The following TF variants were observed in gnomAD, a reference collection of about 807,000 sequenced individuals.
TF encodes the protein transferrin.
Under a neutral mutation model 82.4 loss-of-function variants are expected in TF, and 55 were observed. That is an observed-to-expected ratio of 0.67 (90% CI 0.54 to 0.84). TF has a LOEUF of 0.84. Among genes scored for constraint, TF ranks in the 40% least tolerant of loss-of-function variants. The probability of loss-of-function intolerance (pLI) is 0.00; values close to 1 mark genes in which losing one functional copy is unlikely to be tolerated. For synonymous variants in TF, 332 were observed against 332.6 expected (o/e 1.00, Z 0.02); for missense variants, 737 against 868.4 (o/e 0.85, Z 1.90).
At chr3:133,678,310 G>T in the TF span, among the ~76,000 whole-genome samples, 1 of 152,172 alleles carries the variant, frequency 6.6e-6, no homozygotes, top group Admixed American at 6.5e-5. Flanking sequence ...GAATAGTGCT[G>T]CAATAAATAT....
At chr3:133,757,983 T>C in intron 8 of TF, 37 bp downstream of exon 8, 2 of 1,608,512 alleles carry the variant, frequency 1.2e-6, no homozygotes, top group Non-Finnish European at 8.5e-7. Flanking sequence ...CCACAAGCAC[T>C]TGGGAAACCT....
chr3:133,663,103 A>T, the TF span, among the ~76,000 whole-genome samples: 1 of 152,122 alleles, frequency 6.6e-6, no homozygotes, highest in African/African-American at 2.4e-5. Flanking sequence ...ATCCAAGGTG[A>T]TGTCTGATCA....
Position 133,778,856 on chromosome 3 carries a change from C to A in TF, c.*236C>A. On this transcript the variant is annotated 3_prime_UTR_variant, in exon 17 of 17. Coordinates refer to ENST00000402696, the MANE Select transcript of TF (RefSeq NM_001063.4). Reference sequence around the variant, plus strand: ...TTCTTTATGCATTCTGCCTAAATACCTATGCAACTGAGCCCTTCCTTCTCA... The same window carrying A: ...TTCTTTATGCATTCTGCCTAAATACATATGCAACTGAGCCCTTCCTTCTCA... The A allele has an allele frequency of 2.3e-6, 1 of 428,864 alleles. No homozygotes were observed. The highest frequency in any genetic ancestry group is 4.3e-6 in the Non-Finnish European group (1 of 232,174). The allele number at this position is 428,864 out of a possible 1,614,324, so 26.6% of individuals were successfully genotyped here. A position where few individuals can be genotyped will look rare whatever the true frequency, so the allele number is the denominator to read the frequency against.
chr3:133,771,636 C>T (rs1934259611), intron 14 of TF, among the ~76,000 whole-genome samples: 1 of 149,196 alleles, frequency 6.7e-6, no homozygotes, highest in African/African-American at 2.5e-5. Context: ...ACTCGGGAGG[C>T]TGAGGCAGGA....
chr3:133,679,486 T>G, the TF span, among the ~76,000 whole-genome samples: 1 of 152,062 alleles, frequency 6.6e-6, no homozygotes, highest in African/African-American at 2.4e-5. Context: ...CAGTCATTCC[T>G]ACTTTCTGCC....
Position 133,746,632 on chromosome 3 carries a change from C to A in TF, c.43+149C>A, listed in dbSNP as rs979437540. 2.7e-5 allele frequency: 23 copies of A among 858,206 alleles called. No individual in the cohort carries two copies. The African/African-American group carries it at 3.0e-4, about 11-fold the overall frequency. The allele number at this position is 858,206 out of a possible 1,614,324, so 53.2% of individuals were successfully genotyped here. A position where few individuals can be genotyped will look rare whatever the true frequency, so the allele number is the denominator to read the frequency against. On this transcript the variant is annotated intron_variant, in intron 1 of 16. Transcript: ENST00000402696. ...CTTTCCATTGCCTCTCTACGCCCCA[C>A]CCCTGGCCTTTGCTTGGGCTTCTAG...
the TF span, among the ~76,000 whole-genome samples, chr3:133,678,478 C>T: frequency 1.3e-5 from 2 of 152,352 alleles, no homozygotes; most frequent in East Asian, 3.9e-4. Flanking sequence ...CTCCCACCAA[C>T]AGTGTAAAAG....
intron 11 of TF, 151 bp from the exon 12 acceptor site, chr3:133,766,126 GT>G (rs1934119745): frequency 1.3e-6 from 1 of 787,894 alleles, no homozygotes; most frequent in East Asian, 2.5e-5. Flanking sequence ...AGAGTTCCTT[GT>G]ACTTCCCCTC....
the TF span, among the ~76,000 whole-genome samples, chr3:133,665,734 C>T: frequency 5.3e-5 from 8 of 151,490 alleles, no homozygotes; most frequent in African/African-American, 9.7e-5. Flanking sequence ...CATCTGAGAT[C>T]GGGAGTTCGA....
chr3:133,725,020 T>C, the TF span, among the ~76,000 whole-genome samples: 2 of 152,216 alleles, frequency 1.3e-5, no homozygotes, highest in East Asian at 3.8e-4. Flanking sequence ...TCTATATCTC[T>C]GTTTTGGTAC....
In TF at chr3:133,759,234, G is replaced by C. The variant is rs758425512; in HGVS notation, c.1108G>C (p.Glu370Gln). 1 of 1,614,008 alleles carries C rather than the reference G, an allele frequency of 6.2e-7. No individual in the cohort carries two copies. The highest frequency in any genetic ancestry group is 2.2e-5 in the East Asian group (1 of 44,874). ...PVKWCALSHH[E>Q]RLKCDEWSVN... ...GAAGTGGTGTGCGCTGAGCCACCAC[G>C]AGAGGCTCAAGTGTGATGAGTGGAG... is the stretch of plus-strand genomic sequence containing the variant. The change falls in exon 9 of 17, where the codon GAG becomes CAG. Residue 370 changes from glutamate (E) to glutamine (Q), a missense_variant. Coordinates refer to ENST00000402696, the MANE Select transcript of TF (RefSeq NM_001063.4).
the TF span, among the ~76,000 whole-genome samples, chr3:133,706,277 A>G: frequency 6.6e-6 from 1 of 152,222 alleles, no homozygotes; most frequent in Non-Finnish European, 1.5e-5. Flanking sequence ...CTGATAATGA[A>G]GATGAGGAGG....
At chr3:133,773,582 A>G (rs1934312217) in intron 14 of TF, 1 of 152,110 alleles carries the variant, frequency 6.6e-6, no homozygotes, top group Non-Finnish European at 1.5e-5. Context: ...GAAGGCGTAG[A>G]CTATGAAATT....
Position 133,764,919 on chromosome 3 carries a change from T to C in TF, c.1330+12T>C. On this transcript the variant is annotated intron_variant, in intron 11 of 16. Transcript: ENST00000402696. ...TACACCAGAGGCAGGTGAGTTTGAATTGGTAACCTCTGGAGTTAAAAGATA... is the reference window on the plus strand; with the variant it reads ...TACACCAGAGGCAGGTGAGTTTGAACTGGTAACCTCTGGAGTTAAAAGATA... 1.9e-6 allele frequency: 3 copies of C among 1,613,648 alleles called. No individual in the cohort carries two copies. The highest frequency in any genetic ancestry group is 1.7e-6 in the Non-Finnish European group (2 of 1,179,550).
At chr3:133,674,123 C>A in the TF span, among the ~76,000 whole-genome samples, 2 of 152,202 alleles carry the variant, frequency 1.3e-5, no homozygotes, top group African/African-American at 2.4e-5. Flanking sequence ...TATGAGAGCG[C>A]GTGCTTTCCA....
At position 133,754,512 on chromosome 3, in the gene TF, T is replaced by C. The variant is rs1279031497; in HGVS notation, c.343T>C (p.Tyr115His). Reference sequence around the variant, plus strand: ...CTTTGCAGATCCACAGACTTTCTATTATGCTGTTGCTGTGGTGAAGAAGGA... The same window carrying C: ...CTTTGCAGATCCACAGACTTTCTATCATGCTGTTGCTGTGGTGAAGAAGGA... ...GSKEDPQTFY[Y>H]AVAVVKKDSG... Residue 115 changes from tyrosine (Y) to histidine (H), a missense_variant, in exon 4 of 17, where the codon TAT becomes CAT. Tyr to His is a moderately conservative substitution (Grantham distance 83). Transcript: ENST00000402696. The C allele has an allele frequency of 6.2e-7, 1 of 1,614,170 alleles. No homozygotes were observed. The highest frequency in any genetic ancestry group is 8.5e-7 in the Non-Finnish European group (1 of 1,180,022).
At chr3:133,726,698 A>G in the TF span, among the ~76,000 whole-genome samples, 1 of 152,104 alleles carries the variant, frequency 6.6e-6, no homozygotes, top group African/African-American at 2.4e-5. Context: ...GCCTTCTGCT[A>G]GCTTTTGAAT....
the TF span, chr3:133,702,154 G>A: frequency 6.5e-6 from 1 of 152,714 alleles, no homozygotes; most frequent in Non-Finnish European, 1.5e-5. Flanking sequence ...TGGCATTGAA[G>A]CTCTCCTTCC....
At chr3:133,771,743 C>CAAAAACAAAAAAAAAAAAAAAA (rs1934263962) in intron 14 of TF, among the ~76,000 whole-genome samples, 1 of 56,564 alleles carries the variant, frequency 1.8e-5, no homozygotes, top group Non-Finnish European at 2.9e-5. Context: ...GACTCCGTCT[C>CAAAAACAAAAAAAAAAAAAAAA]AAAAAAAAAA....
Sources: allele counts gnomAD v4.1 joint callset (sites outside exome capture counted in the v4.1 genomes callset), GRCh38; gene constraint gnomAD v4.1.1; transcripts MANE v1.5; gene names NCBI Gene and HGNC (gene_info 2026-07-23, HGNC 2026-07-21).